ALLC: variants seen among roughly 807,000 people sequenced by gnomAD.
ALLC encodes the protein allantoicase.
A neutral mutation model predicts 45.0 loss-of-function variants in ALLC; 40 were observed. The ratio of observed to expected loss-of-function variants is 0.89; its 90% CI spans 0.69 to 1.16. The LOEUF (loss-of-function observed/expected upper bound fraction) is 1.16. ALLC is among the 50% of genes most tolerant of loss of function. The pLI, the probability that ALLC is intolerant of heterozygous loss-of-function variation, is 0.00. For missense variants in ALLC, 488 were observed against 493.1 expected (o/e 0.99, Z 0.10); for synonymous variants, 176 against 178.1 (o/e 0.99, Z 0.09).
At chr2:3,700,030 T>C (rs977350504) in intron 10 of ALLC, among the ~76,000 whole-genome samples, 3 of 152,370 alleles carry the variant, frequency 2.0e-5, no homozygotes, top group South Asian at 2.1e-4. Context: ...TTTTTTGCTT[T>C]TGTTGCAATT....
In ALLC at chr2:3,679,999, G is replaced by A. The variant is rs755375906; in HGVS notation, c.298+5G>A. ...AAGCAGCAAACTTGGAAGAAGGTGC[G>A]TTAGGAACCACTGTCCCCAAAATGA... On this transcript the variant is annotated splice_donor_5th_base_variant and intron_variant, in intron 5 of 11. Transcript: ENST00000252505. The A allele has an allele frequency of 5.6e-6, 9 of 1,613,604 alleles. No homozygotes were observed. Among genetic ancestry groups the A allele is most frequent in the African/African-American group, 5.3e-5 (4 of 74,876 alleles).
the ALLC span, among the ~76,000 whole-genome samples, chr2:3,650,125 C>T: frequency 8.5e-5 from 13 of 152,328 alleles, no homozygotes; most frequent in South Asian, 4.1e-4. Context: ...AAGAGCCGTT[C>T]GGCACTGGCT....
chr2:3,647,293 A>G, the ALLC span, among the ~76,000 whole-genome samples: 1 of 130,012 alleles, frequency 7.7e-6, no homozygotes, highest in South Asian at 2.9e-4. Flanking sequence ...GGCCTTTTTC[A>G]AGAGCATGCA....
intron 2 of ALLC, among the ~76,000 whole-genome samples, chr2:3,671,837 T>TGGAAGTCCTCTGGCTCTGGTTAGATG (rs1666882969): frequency 7.7e-5 from 2 of 25,944 alleles, no homozygotes; most frequent in African/African-American, 1.6e-4. Flanking sequence ...CTGGTTAGAT[T>TGGAAGTCCTCTGGCTCTGGTTAGATG]GGAGGTCCTC....
chr2:3,650,849 C>G, the ALLC span, among the ~76,000 whole-genome samples: 67 of 152,306 alleles, frequency 4.4e-4, no homozygotes, highest in Middle Eastern at 3.4e-3. Context: ...TTCTTTGTAC[C>G]TGGTTAATTC....
intron 10 of ALLC, 96 bp downstream of exon 10, chr2:3,697,552 G>C: frequency 1.1e-6 from 1 of 946,674 alleles, no homozygotes; most frequent in Non-Finnish European, 1.7e-6. Flanking sequence ...TGGACTTTCG[G>C]TGTGGATTCC....
upstream of ALLC, among the ~76,000 whole-genome samples, chr2:3,657,611 C>T (rs1444964062): frequency 2.6e-5 from 4 of 152,204 alleles, no homozygotes; most frequent in South Asian, 2.1e-4. Context: ...ATGTCGAAGC[C>T]GGGCTCAGCT....
chr2:3,679,838 C>A (rs549818093), intron 4 of ALLC, 31 bp from the exon 5 acceptor site: 5 of 1,611,954 alleles, frequency 3.1e-6, no homozygotes, highest in Admixed American at 1.7e-5. Flanking sequence ...TTGGCCCTAA[C>A]GAGACTGCTC....
At chr2:3,685,891 T>C (rs564674313) in intron 7 of ALLC, among the ~76,000 whole-genome samples, 8 of 151,134 alleles carry the variant, frequency 5.3e-5, no homozygotes, top group Non-Finnish European at 1.0e-4. Context: ...ATTAATCCCT[T>C]CTTAGATGGA....
intron 10 of ALLC, among the ~76,000 whole-genome samples, chr2:3,697,957 G>A (rs1042481067): frequency 3.5e-5 from 5 of 144,910 alleles, no homozygotes; most frequent in Admixed American, 6.9e-5. Context: ...GAGCCACTGC[G>A]CCCGACCCTT....
chr2:3,661,232 A>G (rs1486863096), intron 1 of ALLC, among the ~76,000 whole-genome samples: 1 of 152,208 alleles, frequency 6.6e-6, no homozygotes, highest in African/African-American at 2.4e-5. Context: ...ATATGGAGCT[A>G]TAGAGTTCAT....
At chr2:3,690,256 TCCCTTCCCTCCCCCCTCCCCTCCCCCTC>T (rs1667443896) in intron 7 of ALLC, among the ~76,000 whole-genome samples, 1 of 14,738 alleles carries the variant, frequency 6.8e-5, no homozygotes, top group African/African-American at 2.9e-4. Context: ...CCCCTTCCCT[TCCCTTCCCTCCCCCCTCCCCTCCCCCTC>T]CCCCTCCCCT....
intron 7 of ALLC, among the ~76,000 whole-genome samples, chr2:3,692,020 T>A (rs1365173193): frequency 6.6e-6 from 1 of 152,226 alleles, no homozygotes; most frequent in Non-Finnish European, 1.5e-5. Flanking sequence ...TTGTGTGTTA[T>A]CTTTGAGGTC....
intron 7 of ALLC, among the ~76,000 whole-genome samples, chr2:3,687,401 T>C (rs1437643524): frequency 6.6e-6 from 1 of 151,014 alleles, no homozygotes; most frequent in Non-Finnish European, 1.5e-5. Flanking sequence ...GTAGTTTTCT[T>C]TTTTTGTTGT....
chr2:3,702,002 TCAG>T (rs1277982509), intron 11 of ALLC, among the ~76,000 whole-genome samples: 3 of 152,016 alleles, frequency 2.0e-5, no homozygotes, highest in African/African-American at 7.3e-5. Context: ...AGAAAGAGGG[TCAG>T]GCTAGAGGTG....
chr2:3,693,210 C>A lies in ALLC; in HGVS notation c.512-2507C>A, dbSNP rs977727686. 3.9e-5 allele frequency among the ~76,000 whole-genome samples: 6 copies of A among 152,268 alleles called. No individual in the cohort carries two copies. The East Asian group carries it at 1.2e-3, about 29-fold the overall frequency. On this transcript the variant is annotated intron_variant, in intron 7 of 11. Coordinates refer to ENST00000252505, the MANE Select transcript of ALLC (RefSeq NM_018436.4). ...CTGAAGTGTTTTCCCATCCCTCAACCCCCCTAAATTTTACCAGCTCCACTG... is the reference window on the plus strand; with the variant it reads ...CTGAAGTGTTTTCCCATCCCTCAACACCCCTAAATTTTACCAGCTCCACTG...
At chr2:3,661,451 A>C (rs1367325069) in intron 1 of ALLC, among the ~76,000 whole-genome samples, 1 of 152,166 alleles carries the variant, frequency 6.6e-6, no homozygotes, top group Non-Finnish European at 1.5e-5. Flanking sequence ...GTGAAACAAG[A>C]GGAGCTTGAT....
chr2:3,673,068 T>A (rs1430620730), intron 2 of ALLC, among the ~76,000 whole-genome samples: 2 of 68,144 alleles, frequency 2.9e-5, no homozygotes, highest in Admixed American at 3.1e-4. Context: ...GTGGGAGGGG[T>A]GGGGATGGGC....
chr2:3,671,760 G>A (rs988451041), intron 2 of ALLC, among the ~76,000 whole-genome samples: 1 of 142,344 alleles, frequency 7.0e-6, no homozygotes, highest in Non-Finnish European at 1.5e-5. Flanking sequence ...TGGTTAGATC[G>A]GAGGTCCTCT....
Sources: allele counts gnomAD v4.1 joint callset (sites outside exome capture counted in the v4.1 genomes callset), GRCh38; gene constraint gnomAD v4.1.1; transcripts MANE v1.5; gene names NCBI Gene and HGNC (gene_info 2026-07-23, HGNC 2026-07-21).